The following EGFR variants were observed in gnomAD, a reference collection of about 807,000 sequenced individuals.
The protein encoded by EGFR is avian erythroblastic leukemia viral (v-erb-b) oncogene homolog.
In EGFR, 58 loss-of-function variants were observed where a neutral mutation model predicts 143.0. The observed-to-expected ratio is 0.41, with a 90% CI of 0.33 to 0.50. The LOEUF (loss-of-function observed/expected upper bound fraction) is 0.50, where lower values mean the gene tolerates loss of function less well. Among genes scored for constraint, EGFR ranks in the 20% least tolerant of loss-of-function variants. The probability of loss-of-function intolerance (pLI) is 0.39; values close to 1 mark genes in which losing one functional copy is unlikely to be tolerated. For missense variants in EGFR, 1,307 were observed against 1,579.0 expected (o/e 0.83, Z 2.92); for synonymous variants, 613 against 594.4 (o/e 1.03, Z -0.45).
chr7:55,160,278 C>A lies in EGFR; in HGVS notation c.1438C>A (p.Leu480Met), dbSNP rs147732025. 2 of 1,614,008 alleles carry A rather than the reference C, an allele frequency of 1.2e-6. No individual in the cohort carries two copies. The highest frequency in any genetic ancestry group is 1.7e-6 in the Non-Finnish European group (2 of 1,179,984). Residue 480 changes from leucine to methionine, a missense_variant, in exon 12 of 28, where the codon CTG (leucine) becomes ATG (methionine). Around this residue, in one of 7 missense-constraint regions of EGFR, gnomAD observed 250 missense variants for 295.1 expected, o/e 0.85. Coordinates refer to ENST00000275493, the MANE Select transcript of EGFR (RefSeq NM_005228.5). ...TGCAAATACAATAAACTGGAAAAAA[C>A]TGTTTGGGACCTCCGGTCAGAAAAC... ...CYANTINWKK[L>M]FGTSGQKTKI...
At chr7:55,039,710 T>A (rs1230000080) in intron 1 of EGFR, among the ~76,000 whole-genome samples, 1 of 152,128 alleles carries the variant, frequency 6.6e-6, no homozygotes, top group African/African-American at 2.4e-5. Context: ...AAGAAATAAA[T>A]TGTGTACATC....
In EGFR at chr7:55,207,835, C is replaced by G. The variant is rs1420119491; in HGVS notation, c.*2218C>G. On this transcript the variant is annotated 3_prime_UTR_variant, in exon 28 of 28. Transcript: ENST00000275493. The stretch of plus-strand genomic sequence containing the variant: ...GCACATGCTTAGTGAGAAGACTACA[C>G]AACATTTCTAAGAATCTGAGATTTT... 1.3e-5 allele frequency: 2 copies of G among 152,238 alleles called. No individual in the cohort carries two copies. Among genetic ancestry groups the G allele is most frequent in the African/African-American group, 4.8e-5 (2 of 41,458 alleles). The allele number at this position is 152,238 out of a possible 1,614,324, so 9.4% of individuals were successfully genotyped here.
chr7:55,044,932 T>C (rs1490209819), intron 1 of EGFR, among the ~76,000 whole-genome samples: 1 of 151,412 alleles, frequency 6.6e-6, no homozygotes, highest in African/African-American at 2.4e-5. Flanking sequence ...TCATGGCCTT[T>C]GTTGTTTACG....
chr7:55,078,206 G>T (rs541745489), intron 1 of EGFR, among the ~76,000 whole-genome samples: 2 of 152,160 alleles, frequency 1.3e-5, no homozygotes, highest in East Asian at 3.9e-4. Context: ...GGCAGGGAGG[G>T]GATGAGGACC....
chr7:55,076,898 T>TA (rs1036684941), intron 1 of EGFR, among the ~76,000 whole-genome samples: 24 of 151,918 alleles, frequency 1.6e-4, no homozygotes, highest in African/African-American at 5.6e-4. Context: ...ATATGACAAA[T>TA]AAAACAGTTA....
In EGFR at chr7:55,173,178, G is replaced by A. The variant is rs759510163; in HGVS notation, c.2061+54G>A. ...AGCCCTCGCACCCCGACAGGAACAA[G>A]GGCCAGCCCCGAGAACGGGCCATTA... On this transcript the variant is annotated intron_variant, in intron 17 of 27. Transcript: ENST00000275493. 7.3e-4 allele frequency: 1,170 copies of A among 1,598,738 alleles called. 1 individual carries two copies. Among genetic ancestry groups the A allele is most frequent in the Non-Finnish European group, 9.3e-4 (1,094 of 1,176,868 alleles).
At chr7:55,171,126 C>T (rs2128951273) in intron 15 of EGFR, 49 bp from the exon 16 acceptor site, 1 of 1,612,618 alleles carries the variant, frequency 6.2e-7, no homozygotes, top group Non-Finnish European at 8.5e-7. Flanking sequence ...AAATATATGC[C>T]AAAGAAGTAG....
rs1423318770 is a variant in EGFR, at chr7:55,209,393, C to T, written c.*3776C>T. 1 of 152,162 alleles carries T rather than the reference C, an allele frequency of 6.6e-6. No homozygotes were observed. The highest frequency in any genetic ancestry group is 2.4e-5 in the African/African-American group (1 of 41,422). The allele number at this position is 152,162 out of a possible 1,614,324, so 9.4% of individuals were successfully genotyped here. A position where few individuals can be genotyped will look rare whatever the true frequency, so the allele number is the denominator to read the frequency against. ...GTTCAATTCATCCTCACCAGCAGTTCAGCTGGAAAGGGGCAAATACCCCCA... is the reference window on the plus strand; with the variant it reads ...GTTCAATTCATCCTCACCAGCAGTTTAGCTGGAAAGGGGCAAATACCCCCA... On this transcript the variant is annotated 3_prime_UTR_variant, in exon 28 of 28. Coordinates refer to ENST00000275493, the MANE Select transcript of EGFR (RefSeq NM_005228.5).
At chr7:55,092,492 C>G (rs1196004626) in intron 1 of EGFR, among the ~76,000 whole-genome samples, 1 of 152,166 alleles carries the variant, frequency 6.6e-6, no homozygotes, top group Non-Finnish European at 1.5e-5. Flanking sequence ...AGGCTTAAAG[C>G]CCAACCCTCT....
chr7:55,205,204 A>C (rs145306310), intron 27 of EGFR, 52 bp from the exon 28 acceptor site: 1 of 1,608,044 alleles, frequency 6.2e-7, no homozygotes, highest in Non-Finnish European at 8.5e-7. Flanking sequence ...GGGATCCTGC[A>C]TGGGATGGTG....
chr7:55,153,565 T>C (rs936334820), intron 6 of EGFR, among the ~76,000 whole-genome samples: 10 of 152,192 alleles, frequency 6.6e-5, no homozygotes, highest in Non-Finnish European at 1.3e-4. Flanking sequence ...CCTCGCTGTA[T>C]TGGGTCTGGC....
In EGFR at chr7:55,205,768, T is replaced by C; in HGVS notation, c.*151T>C. 1 of 1,211,802 alleles carries C rather than the reference T, an allele frequency of 8.3e-7. No homozygotes were observed. Among genetic ancestry groups the C allele is most frequent in the Non-Finnish European group, 1.2e-6 (1 of 849,488 alleles). 75.1% of individuals were successfully genotyped at this position (1,211,802 alleles called of 1,614,324 possible). On this transcript the variant is annotated 3_prime_UTR_variant, in exon 28 of 28. Transcript: ENST00000275493. ...ACGTTTACACCGACTAGCCAGGAAG[T>C]ACTTCCACCTCGGGCACATTTTGGG...
intron 20 of EGFR, 156 bp downstream of exon 20, chr7:55,181,634 A>C: frequency 1.1e-6 from 1 of 887,400 alleles, no homozygotes; most frequent in Non-Finnish European, 1.8e-6. Flanking sequence ...AATCAAGTTG[A>C]TCTTCTTGTG....
At chr7:55,046,246 C>T (rs1788170911) in intron 1 of EGFR, among the ~76,000 whole-genome samples, 1 of 152,144 alleles carries the variant, frequency 6.6e-6, no homozygotes, top group Admixed American at 6.6e-5. Flanking sequence ...TCTTGGGCCT[C>T]AGTCTTTTTA....
At chr7:55,127,346 T>C (rs981919655) in intron 1 of EGFR, among the ~76,000 whole-genome samples, 2 of 152,162 alleles carry the variant, frequency 1.3e-5, no homozygotes, top group Non-Finnish European at 2.9e-5. Context: ...ACCATCTAAA[T>C]GTTTTAGTAA....
Position 55,068,142 on chromosome 7 carries a change from A to G in EGFR, c.88+48777A>G, listed in dbSNP as rs574588842. ...TGTGTGCATGTGTGGTGGGGACACTAAAAATCTCTCATCACCTTTTTAGTC... is the reference window on the plus strand; with the variant it reads ...TGTGTGCATGTGTGGTGGGGACACTGAAAATCTCTCATCACCTTTTTAGTC... On this transcript the variant is annotated intron_variant, in intron 1 of 27. Coordinates refer to ENST00000275493, the MANE Select transcript of EGFR (RefSeq NM_005228.5). 3.4e-5 allele frequency among the ~76,000 whole-genome samples: 5 copies of G among 145,996 alleles called. No individual in the cohort carries two copies. In the South Asian group the frequency reaches 6.2e-4, roughly 18 times the overall value.
rs199661469 is a variant in EGFR at position 55,205,531 on chromosome 7, C to T, written c.3547C>T (p.Pro1183Ser). The change falls in exon 28 of 28, where the codon CCA (proline) becomes TCA (serine). Residue 1183 changes from proline to serine, a missense_variant. Pro to Ser is a moderately conservative substitution (Grantham distance 74). Coordinates refer to ENST00000275493, the MANE Select transcript of EGFR (RefSeq NM_005228.5). ...GGACTTCTTTCCCAAGGAAGCCAAG[C>T]CAAATGGCATCTTTAAGGGCTCCAC... Reference protein sequence around the residue: ...QQDFFPKEAKPNGIFKGSTAE... With the variant: ...QQDFFPKEAKSNGIFKGSTAE... 1 of 1,614,202 alleles carries T rather than the reference C, an allele frequency of 6.2e-7. No homozygotes were observed. The highest frequency in any genetic ancestry group is 1.3e-5 in the African/African-American group (1 of 75,046).
chr7:55,168,696 T>C, intron 15 of EGFR: 1 of 1,022,296 alleles, frequency 9.8e-7, no homozygotes, highest in Admixed American at 2.6e-5. Flanking sequence ...ATTCTGAGCC[T>C]TTTTAGATGA....
At chr7:55,026,034 C>T (rs1183709339) in intron 1 of EGFR, among the ~76,000 whole-genome samples, 1 of 152,092 alleles carries the variant, frequency 6.6e-6, no homozygotes, top group Non-Finnish European at 1.5e-5. Context: ...CTTGACCATG[C>T]TTTCTAACCA....
Sources: gnomAD v4.1 joint callset for allele counts (sites outside exome capture counted in the v4.1 genomes callset) on GRCh38, gnomAD v4.1.1 for gene constraint, gnomAD v4.1.1 regional missense constraint, MANE v1.5 for transcripts, NCBI Gene and HGNC (gene_info 2026-07-23, HGNC 2026-07-21) for gene names.